The following INSYN2B variants were observed in gnomAD, a reference collection of about 807,000 sequenced individuals.
INSYN2B encodes the protein protein INSYN2B.
In INSYN2B, 16 loss-of-function variants were observed where a neutral mutation model predicts 41.2. That is an observed-to-expected ratio of 0.39 (90% CI 0.26 to 0.59). The LOEUF is 0.59. Ranked by LOEUF, INSYN2B falls within the 20% of genes least tolerant of loss-of-function variation. The probability of loss-of-function intolerance (pLI) is 0.57; values close to 1 mark genes in which losing one functional copy is unlikely to be tolerated. For synonymous variants in INSYN2B, 245 were observed against 244.4 expected, an observed-to-expected ratio of 1.00 and a Z score of -0.02; for missense variants, 608 against 646.4, an observed-to-expected ratio of 0.94 and a Z score of 0.64.
intron 1 of INSYN2B, among the ~76,000 whole-genome samples, chr5:169,970,590 G>T (rs1327996394): frequency 6.6e-6 from 1 of 152,200 alleles, no homozygotes; most frequent in East Asian, 1.9e-4. Flanking sequence ...CATCTGTGCT[G>T]CAGGGAGGCT....
At chr5:169,969,971 A>G (rs1373023491) in intron 1 of INSYN2B, among the ~76,000 whole-genome samples, 4 of 152,262 alleles carry the variant, frequency 2.6e-5, no homozygotes, top group Non-Finnish European at 5.9e-5. Context: ...TTTTAAAAAC[A>G]TGATGCTGGT....
intron 1 of INSYN2B, among the ~76,000 whole-genome samples, chr5:169,971,011 G>A (rs1051053474): frequency 2.3e-4 from 35 of 152,236 alleles, no homozygotes; most frequent in Non-Finnish European, 2.4e-4. Context: ...GAGGACCTGC[G>A]TTCATGCCAA....
At chr5:169,881,512 C>T in intron 2 of INSYN2B, 70 bp from the exon 3 acceptor site, 1 of 1,234,478 alleles carries the variant, frequency 8.1e-7, no homozygotes, top group East Asian at 2.5e-5. Flanking sequence ...ATTCAACCTA[C>T]TTGTCCCTTA....
chr5:169,968,782 A>T (rs1220685897), intron 1 of INSYN2B, among the ~76,000 whole-genome samples: 1 of 152,200 alleles, frequency 6.6e-6, no homozygotes. Flanking sequence ...AAGGAGGAAG[A>T]ATTGAGTGTG....
chr5:169,972,538 G>A lies in INSYN2B; in HGVS notation c.-919+7739C>T, dbSNP rs1777543229. 2.3e-5 allele frequency among the ~76,000 whole-genome samples: 3 copies of A among 129,294 alleles called. No homozygotes were observed. In the Admixed American group the frequency reaches 2.3e-4, roughly 10 times the overall value. 84.8% of individuals were successfully genotyped at this position (129,294 alleles called of 152,430 possible). On this transcript the variant is annotated intron_variant, in intron 1 of 3. Coordinates refer to ENST00000377365, the MANE Select transcript of INSYN2B (RefSeq NM_001129891.3). Reference sequence around the variant, plus strand: ...AATTGCCCCAGTTAAGAGCCACTGTGAGACAGATAGATAGATAGATAGATA... The same window carrying A: ...AATTGCCCCAGTTAAGAGCCACTGTAAGACAGATAGATAGATAGATAGATA...
In INSYN2B at chr5:169,884,504, C is replaced by G. The variant is rs767409805; in HGVS notation, c.-606G>C. On this transcript the variant is annotated 5_prime_UTR_variant, in exon 2 of 4. Coordinates refer to ENST00000377365, the MANE Select transcript of INSYN2B (RefSeq NM_001129891.3). ...TACATGATGCTCCCAAGGGAACATT[C>G]CCATTTATGTCAATCACAAATTCCT... 1 of 152,196 alleles carries G rather than the reference C, an allele frequency of 6.6e-6. No homozygotes were observed. Among genetic ancestry groups the G allele is most frequent in the Non-Finnish European group, 1.5e-5 (1 of 68,038 alleles). 9.4% of individuals were successfully genotyped at this position (152,196 alleles called of 1,614,324 possible).
chr5:169,878,234 G>A (rs981688295), intron 3 of INSYN2B, among the ~76,000 whole-genome samples: 2 of 152,224 alleles, frequency 1.3e-5, no homozygotes, highest in Admixed American at 6.5e-5. Context: ...CGATTCCTTA[G>A]GGCACCATTT....
At chr5:169,958,699 T>C (rs771553785) in intron 1 of INSYN2B, among the ~76,000 whole-genome samples, 4 of 152,132 alleles carry the variant, frequency 2.6e-5, no homozygotes, top group Non-Finnish European at 5.9e-5. Flanking sequence ...TGGTTAAGTA[T>C]GTATTAAGGC....
At chr5:169,899,329 C>T (rs951649652) in intron 1 of INSYN2B, among the ~76,000 whole-genome samples, 2 of 152,320 alleles carry the variant, frequency 1.3e-5, no homozygotes, top group Middle Eastern at 3.4e-3. Context: ...TGAGACTTCT[C>T]TCACTCTCTG....
At chr5:169,869,189 C>A (rs1771783957) in intron 3 of INSYN2B, among the ~76,000 whole-genome samples, 2 of 152,194 alleles carry the variant, frequency 1.3e-5, no homozygotes, top group Non-Finnish European at 2.9e-5. Flanking sequence ...ACCTTACCAG[C>A]AGCATCACTC....
intron 1 of INSYN2B, among the ~76,000 whole-genome samples, chr5:169,927,659 C>A (rs1329287523): frequency 6.6e-6 from 1 of 152,232 alleles, no homozygotes; most frequent in Admixed American, 6.5e-5. Context: ...CTCTGTCGCC[C>A]AGGCTGGAGT....
At chr5:169,870,073 G>A (rs1457695960) in intron 3 of INSYN2B, among the ~76,000 whole-genome samples, 1 of 152,224 alleles carries the variant, frequency 6.6e-6, no homozygotes, top group Admixed American at 6.5e-5. Context: ...TGGTCTTCCT[G>A]AGGATGCATG....
intron 3 of INSYN2B, among the ~76,000 whole-genome samples, chr5:169,877,012 C>A (rs556228286): frequency 1.6e-4 from 25 of 152,322 alleles, no homozygotes; most frequent in Non-Finnish European, 2.9e-4. Flanking sequence ...AGTGACCTAG[C>A]AGATGAGGGC....
chr5:169,934,537 A>C, intron 1 of INSYN2B: 1 of 421,936 alleles, frequency 2.4e-6, no homozygotes, highest in Non-Finnish European at 4.8e-6. Context: ...TTCCAGCCTA[A>C]TTGTATGCGC....
rs530469807 is a variant in INSYN2B, at chr5:169,972,390, AT to A, written c.-919+7886del. Among the ~76,000 whole-genome samples, 9 of 152,310 alleles carry A rather than the reference AT, an allele frequency of 5.9e-5. No individual in the cohort carries two copies. In the South Asian group the frequency reaches 1.5e-3, roughly 25 times the overall value. On this transcript the variant is annotated intron_variant, in intron 1 of 3. Transcript: ENST00000377365. ...CTGGATCATTTTCTTTGTGGGGGCT[AT>A]CCTATGTATTGTAGGATATTTTAGC...
intron 1 of INSYN2B, among the ~76,000 whole-genome samples, chr5:169,890,531 A>G (rs1004167424): frequency 2.0e-5 from 3 of 152,204 alleles, no homozygotes; most frequent in African/African-American, 7.2e-5. Context: ...ATATATTCCA[A>G]AAATATACCC....
intron 3 of INSYN2B, among the ~76,000 whole-genome samples, chr5:169,869,274 A>G (rs916656808): frequency 6.6e-6 from 1 of 152,202 alleles, no homozygotes. Flanking sequence ...GCAGGGTTTC[A>G]TTATAATCAC....
At chr5:169,920,255 T>G (rs42421) in intron 1 of INSYN2B, among the ~76,000 whole-genome samples, 62,709 of 152,000 alleles carry the variant, frequency 0.41, 13,843 homozygotes, top group African/African-American at 0.57. Flanking sequence ...ATTATGCAGT[T>G]ATTATGATGT....
intron 1 of INSYN2B, among the ~76,000 whole-genome samples, chr5:169,892,140 A>T (rs908885062): frequency 6.6e-6 from 1 of 152,218 alleles, no homozygotes; most frequent in Non-Finnish European, 1.5e-5. Context: ...TCCAAGCTTA[A>T]GCACAATTCC....
Sources: allele counts gnomAD v4.1 joint callset (sites outside exome capture counted in the v4.1 genomes callset), GRCh38; gene constraint gnomAD v4.1.1; transcripts MANE v1.5; gene names NCBI Gene and HGNC (gene_info 2026-07-23, HGNC 2026-07-21).